The following ASIC2 variants were observed in gnomAD, a reference collection of about 807,000 sequenced individuals.
The protein encoded by ASIC2 is acid sensing ion channel subunit 2.
A neutral mutation model predicts 57.3 loss-of-function variants in ASIC2; 25 were observed. The ratio of observed to expected loss-of-function variants is 0.44; its 90% CI spans 0.32 to 0.61. The LOEUF is 0.61. Among genes scored for constraint, ASIC2 ranks in the 20% least tolerant of loss-of-function variants. The pLI, the probability that ASIC2 is intolerant of heterozygous loss-of-function variation, is 0.06. For missense variants in ASIC2, 641 were observed against 738.1 expected (o/e 0.87, Z 1.52); for synonymous variants, 319 against 307.5 (o/e 1.04, Z -0.39).
chr17:33,424,802 C>T (rs1184494473), intron 1 of ASIC2, among the ~76,000 whole-genome samples: 2 of 152,196 alleles, frequency 1.3e-5, no homozygotes, highest in Admixed American at 1.3e-4. Context: ...TCTACCCCCA[C>T]AGCCACCTTT....
At chr17:33,918,593 G>T (rs1243486741) in intron 1 of ASIC2, among the ~76,000 whole-genome samples, 2 of 152,166 alleles carry the variant, frequency 1.3e-5, no homozygotes, top group African/African-American at 4.8e-5. Context: ...CCCTGGAAAA[G>T]ATCTGTGGGT....
intron 1 of ASIC2, among the ~76,000 whole-genome samples, chr17:33,389,925 A>C (rs60562210): frequency 6.6e-6 from 1 of 152,036 alleles, no homozygotes. Context: ...AGTACGAATG[A>C]CCAACTCTGT....
intron 1 of ASIC2, among the ~76,000 whole-genome samples, chr17:33,973,363 A>G (rs1378904839): frequency 6.6e-6 from 1 of 152,158 alleles, no homozygotes; most frequent in African/African-American, 2.4e-5. Context: ...GTGCAGGCGG[A>G]GGCAAGCTGC....
chr17:33,559,456 GA>G lies in ASIC2; in HGVS notation c.556-447390del, dbSNP rs1916006834. Among the ~76,000 whole-genome samples the G allele has an allele frequency of 2.6e-5, 4 of 151,952 alleles. No homozygotes were observed. The East Asian group carries it at 7.7e-4, about 29-fold the overall frequency. Reference sequence around the variant, plus strand: ...GAATATTGTCCCTAAATGAAGAACTGAAAAAAATGAGATCTCACTTCATAAT... The same window carrying G: ...GAATATTGTCCCTAAATGAAGAACTGAAAAAATGAGATCTCACTTCATAAT... On this transcript the variant is annotated intron_variant, in intron 1 of 9. Coordinates refer to the ASIC2 transcript ENST00000359872.
intron 2 of ASIC2, among the ~76,000 whole-genome samples, chr17:33,097,105 C>A (rs529528315): frequency 1.2e-4 from 19 of 152,312 alleles, no homozygotes; most frequent in Admixed American, 9.1e-4. Context: ...GTGCTTTTTG[C>A]CCCCTGCCAT....
chr17:33,365,269 C>T (rs1567836963), intron 1 of ASIC2, among the ~76,000 whole-genome samples: 2 of 152,164 alleles, frequency 1.3e-5, no homozygotes, highest in Admixed American at 6.5e-5. Flanking sequence ...CTCTGTGCTC[C>T]CTCGGCACCT....
intron 1 of ASIC2, among the ~76,000 whole-genome samples, chr17:33,338,064 C>A (rs1048575498): frequency 6.6e-6 from 1 of 151,172 alleles, no homozygotes; most frequent in African/African-American, 2.4e-5. Flanking sequence ...GATGTTCCTT[C>A]TGAGGTGTTC....
intron 1 of ASIC2, chr17:33,581,076 A>C (rs1436894223): frequency 6.6e-6 from 1 of 152,248 alleles, no homozygotes; most frequent in Non-Finnish European, 1.5e-5. Context: ...AATTAAGGTT[A>C]CTAATTAGTT....
chr17:33,418,822 A>G (rs1910947967), intron 1 of ASIC2, among the ~76,000 whole-genome samples: 1 of 152,140 alleles, frequency 6.6e-6, no homozygotes, highest in Non-Finnish European at 1.5e-5. Flanking sequence ...TGAAGCTGGA[A>G]ACCATCATTC....
intron 1 of ASIC2, among the ~76,000 whole-genome samples, chr17:33,315,251 G>A (rs1392366130): frequency 1.3e-5 from 2 of 152,170 alleles, no homozygotes; most frequent in African/African-American, 4.8e-5. Context: ...TACCAAAAAT[G>A]TGCAGAAGAA....
intron 1 of ASIC2, among the ~76,000 whole-genome samples, chr17:34,065,259 G>C (rs886600864): frequency 7.9e-5 from 12 of 152,156 alleles, no homozygotes; most frequent in African/African-American, 2.9e-4. Flanking sequence ...TATTATTCTA[G>C]GCGAAGTAAC....
chr17:34,007,174 A>T (rs1165010235), intron 1 of ASIC2, among the ~76,000 whole-genome samples: 1 of 152,206 alleles, frequency 6.6e-6, no homozygotes, highest in Non-Finnish European at 1.5e-5. Flanking sequence ...GAGAGTTAGC[A>T]TCAAAATCGA....
At chr17:33,771,221 A>C (rs1236960806) in intron 1 of ASIC2, among the ~76,000 whole-genome samples, 1 of 152,154 alleles carries the variant, frequency 6.6e-6, no homozygotes, top group African/African-American at 2.4e-5. Flanking sequence ...GAATAAGAAA[A>C]TTATCACCAT....
intron 3 of ASIC2, among the ~76,000 whole-genome samples, chr17:33,080,994 T>C: frequency 6.6e-6 from 1 of 152,224 alleles, no homozygotes; most frequent in East Asian, 1.9e-4. Context: ...TTTTGGTGAC[T>C]CTTTGTCAGG....
At chr17:34,028,114 G>A (rs1907447332) in intron 1 of ASIC2, among the ~76,000 whole-genome samples, 2 of 152,098 alleles carry the variant, frequency 1.3e-5, no homozygotes, top group Admixed American at 6.5e-5. Flanking sequence ...TACCAAATTT[G>A]GTGTACCTGT....
intron 1 of ASIC2, among the ~76,000 whole-genome samples, chr17:33,210,462 C>T (rs893460534): frequency 6.6e-6 from 1 of 152,194 alleles, no homozygotes; most frequent in Admixed American, 6.5e-5. Context: ...TCTCCATCTG[C>T]ACTCTCATCC....
chr17:34,110,584 C>T (rs1276175752), intron 1 of ASIC2, among the ~76,000 whole-genome samples: 1 of 152,156 alleles, frequency 6.6e-6, no homozygotes, highest in African/African-American at 2.4e-5. Context: ...AAGTGCCAGG[C>T]ATATGTCAAA....
At chr17:33,758,237 A>G (rs1220106396) in intron 1 of ASIC2, among the ~76,000 whole-genome samples, 1 of 152,194 alleles carries the variant, frequency 6.6e-6, no homozygotes, top group Non-Finnish European at 1.5e-5. Flanking sequence ...GTGTGATACC[A>G]ATTCTTAACA....
At chr17:33,997,788 T>G (rs551966108) in intron 1 of ASIC2, among the ~76,000 whole-genome samples, 23 of 151,582 alleles carry the variant, frequency 1.5e-4, no homozygotes, top group African/African-American at 5.3e-4. Context: ...TTTTTTTTTT[T>G]GAGGATTTTT....
Sources: allele counts gnomAD v4.1 joint callset (sites outside exome capture counted in the v4.1 genomes callset), GRCh38; gene constraint gnomAD v4.1.1; transcripts MANE v1.5; gene names NCBI Gene and HGNC (gene_info 2026-07-23, HGNC 2026-07-21).